The following KCP variants were observed in gnomAD, a reference collection of about 807,000 sequenced individuals.
KCP encodes the protein kielin/chordin-like protein.
KCP carries 194 observed loss-of-function variants against 212.7 expected under a neutral mutation model. The observed-to-expected ratio is 0.91, with a 90% CI of 0.81 to 1.03. KCP has a LOEUF of 1.03. KCP is among the 50% of genes least tolerant of loss of function. KCP has a pLI of 0.00. For missense variants in KCP, 2,080 were observed against 2,162.5 expected (o/e 0.96, Z 0.76); for synonymous variants, 833 against 865.3 (o/e 0.96, Z 0.65).
At chr7:128,908,778 CA>C (rs1216158667) in intron 1 of KCP, among the ~76,000 whole-genome samples, 1 of 152,240 alleles carries the variant, frequency 6.6e-6, no homozygotes. Flanking sequence ...GAGCTGCTTT[CA>C]GGGGTCTGGG....
Position 128,891,041 on chromosome 7 carries a change from C to T in KCP, c.2028G>A (p.Gln676=). 7.3e-7 allele frequency: 1 copy of T among 1,374,900 alleles called. No homozygotes were observed. The highest frequency in any genetic ancestry group is 1.7e-5 in the South Asian group (1 of 58,848). The allele number at this position is 1,374,900 out of a possible 1,614,324, so 85.2% of individuals were successfully genotyped here. The part of the protein sequence containing the change: ...PRPGAAHARH[Q]EYFSPPGDPC... ...GATCGCCGGGCGGGGAGAAGTACTCCTGGTGGCGGGCGTGGGCCGCGCCGG... is the reference window on the plus strand; with the variant it reads ...GATCGCCGGGCGGGGAGAAGTACTCTTGGTGGCGGGCGTGGGCCGCGCCGG... Residue 676 remains glutamine, a synonymous_variant, in exon 20 of 40, where the codon CAG becomes CAA. Coordinates refer to ENST00000610776, the MANE Select transcript of KCP (RefSeq NM_001366122.1).
chr7:128,877,144 G>A lies in KCP; in HGVS notation c.4786C>T (p.His1596Tyr). 1 of 1,504,802 alleles carries A rather than the reference G, an allele frequency of 6.6e-7. No individual in the cohort carries two copies. The highest frequency in any genetic ancestry group is 1.3e-5 in the South Asian group (1 of 77,832). 93.2% of individuals were successfully genotyped at this position (1,504,802 alleles called of 1,614,324 possible). Reference sequence around the variant, plus strand: ...GGGCAGGCCTCGGGTGGGATGCAGTGGGCCTCATGCTCCACCAGGCCTGCA... The same window carrying A: ...GGGCAGGCCTCGGGTGGGATGCAGTAGGCCTCATGCTCCACCAGGCCTGCA... ...CPAGLVEHEA[H>Y]CIPPEACPQV... Residue 1596 changes from histidine to tyrosine, a missense_variant, in exon 40 of 40, where the codon CAC becomes TAC. Transcript: ENST00000610776.
Position 128,876,977 on chromosome 7 carries a change from G to C in KCP, c.*66C>G, listed in dbSNP as rs1338888569. On this transcript the variant is annotated 3_prime_UTR_variant, in exon 40 of 40. Coordinates refer to ENST00000610776, the MANE Select transcript of KCP (RefSeq NM_001366122.1). The stretch of plus-strand genomic sequence containing the variant: ...GGCATTCTCTCCATAGCCCTAACCA[G>C]GGTGGGAACTGCTCGCCAAGGGGAG... The C allele has an allele frequency of 6.6e-7, 1 of 1,510,898 alleles. No individual in the cohort carries two copies. The highest frequency in any genetic ancestry group is 8.8e-7 in the Non-Finnish European group (1 of 1,132,010). The allele number at this position is 1,510,898 out of a possible 1,614,324, so 93.6% of individuals were successfully genotyped here.
At chr7:128,884,934 C>G (rs761897861) in intron 27 of KCP, 71 bp from the exon 28 acceptor site, 12 of 1,495,538 alleles carry the variant, frequency 8.0e-6, no homozygotes, top group Non-Finnish European at 1.1e-5. Context: ...GGGTGGAGTC[C>G]TCTATCTCCA....
At chr7:128,897,254 C>A (rs1794584908) in intron 8 of KCP, among the ~76,000 whole-genome samples, 1 of 152,208 alleles carries the variant, frequency 6.6e-6, no homozygotes, top group South Asian at 2.1e-4. Flanking sequence ...GACAGCCCAG[C>A]AAACTTGTCA....
At position 128,884,139 on chromosome 7, in the gene KCP, G is replaced by A. The variant is rs1793501118; in HGVS notation, c.3124-17C>T. The A allele has an allele frequency of 2.6e-6, 4 of 1,538,900 alleles. No homozygotes were observed. In the Admixed American group the frequency reaches 6.1e-5, roughly 24 times the overall value. Reference sequence around the variant, plus strand: ...AGGCTGTGGCTACAAGAATGAGTGAGCAGCGGTGGGTCCTGGGCCACAAAA... The same window carrying A: ...AGGCTGTGGCTACAAGAATGAGTGAACAGCGGTGGGTCCTGGGCCACAAAA... On this transcript the variant is annotated splice_polypyrimidine_tract_variant and intron_variant, in intron 28 of 39. Coordinates refer to ENST00000610776, the MANE Select transcript of KCP (RefSeq NM_001366122.1).
chr7:128,908,824 C>T (rs1795288351), intron 1 of KCP, among the ~76,000 whole-genome samples: 1 of 152,222 alleles, frequency 6.6e-6, no homozygotes, highest in African/African-American at 2.4e-5. Context: ...AGAACATGAG[C>T]AGCCCCCATC....
At chr7:128,892,087 G>C (rs147649789) in intron 16 of KCP, among the ~76,000 whole-genome samples, 2,244 of 152,268 alleles carry the variant, frequency 0.015, 27 homozygotes, top group Middle Eastern at 0.024. Context: ...ACCTGTGTTT[G>C]ACACACGCCC....
In KCP at chr7:128,880,649, G is replaced by T; in HGVS notation, c.3586C>A (p.Gln1196Lys). ...SCPHGWAKVP[Q>K]ADSCCERCQA... ...CATCGCTCACAGCAGCTGTCAGCCT[G>T]GGGCACCTTCGCCCAGCCATGGGGG... is the stretch of plus-strand genomic sequence containing the variant. The change falls in exon 33 of 40, where the codon CAG becomes AAG. Residue 1196 changes from glutamine (Q) to lysine (K), a missense_variant. By Grantham distance (53) the Gln-to-Lys change is moderately conservative. Transcript: ENST00000610776. The T allele has an allele frequency of 1.1e-6, 1 of 930,354 alleles. No homozygotes were observed. Among genetic ancestry groups the T allele is most frequent in the Non-Finnish European group, 1.5e-6 (1 of 678,656 alleles). The allele number at this position is 930,354 out of a possible 1,614,324, so 57.6% of individuals were successfully genotyped here. A position where few individuals can be genotyped will look rare whatever the true frequency, so the allele number is the denominator to read the frequency against.
At chr7:128,893,580 C>G in intron 11 of KCP, 104 bp from the exon 12 acceptor site, 2 of 1,045,586 alleles carry the variant, frequency 1.9e-6, no homozygotes, top group Admixed American at 4.2e-5. Context: ...GAAGACCCAG[C>G]CGAGTTCTCC....
chr7:128,883,951 G>A (rs913690837), intron 29 of KCP, 51 bp downstream of exon 29: 2 of 1,515,096 alleles, frequency 1.3e-6, no homozygotes, highest in Non-Finnish European at 1.8e-6. Context: ...GGCGGCAGGG[G>A]GTGGCAGCCC....
chr7:128,890,252 A>C lies in KCP; in HGVS notation c.2335+91T>G. 2.6e-6 allele frequency: 4 copies of C among 1,545,832 alleles called. No individual in the cohort carries two copies. The South Asian group carries it at 4.8e-5, about 18-fold the overall frequency. On this transcript the variant is annotated intron_variant, in intron 21 of 39. Coordinates refer to ENST00000610776, the MANE Select transcript of KCP (RefSeq NM_001366122.1). ...TTTTTCTTACTGTAATAAATATTTT[A>C]GATCCACCCTAGGGCAGTAAAGATT...
At chr7:128,908,366 T>C in intron 2 of KCP, 60 bp downstream of exon 2, 1 of 1,488,624 alleles carries the variant, frequency 6.7e-7, no homozygotes, top group South Asian at 1.3e-5. Flanking sequence ...ACTCCTTCTC[T>C]CCCTCCCACT....
chr7:128,902,644 C>G, intron 8 of KCP, 133 bp downstream of exon 8: 1 of 805,992 alleles, frequency 1.2e-6, no homozygotes, highest in Non-Finnish European at 2.0e-6. Flanking sequence ...CAGCCCCCAG[C>G]AGACAGCGCC....
Position 128,907,333 on chromosome 7 carries a change from A to T in KCP, c.340T>A (p.Cys114Ser), listed in dbSNP as rs1328660794. The T allele has an allele frequency of 6.5e-7, 1 of 1,543,076 alleles. No individual in the cohort carries two copies. ...PEGARWEPDACTACVCQDGAA... is the reference protein window; with the variant it reads ...PEGARWEPDASTACVCQDGAA... ...CCATCCTGGCAGACGCAGGCTGTGC[A>T]GGCGTCAGGCTCCCAGCGTGCCCCC... The change falls in exon 3 of 40, where the codon TGC (cysteine) becomes AGC (serine). Residue 114 changes from cysteine (C) to serine (S), a missense_variant. Transcript: ENST00000610776.
intron 5 of KCP, chr7:128,904,435 T>C: frequency 1.5e-6 from 2 of 1,297,718 alleles, no homozygotes; most frequent in Non-Finnish European, 1.1e-6. Context: ...TCCCTCTTTC[T>C]CTCTCTCCTG....
chr7:128,892,994 G>A lies in KCP; in HGVS notation c.1295C>T (p.Ala432Val). The A allele has an allele frequency of 9.8e-7, 1 of 1,022,090 alleles. No individual in the cohort carries two copies. Among genetic ancestry groups the A allele is most frequent in the Admixed American group, 2.0e-5 (1 of 50,354 alleles). The allele number at this position is 1,022,090 out of a possible 1,614,324, so 63.3% of individuals were successfully genotyped here. ...PACELDGEEF[A>V]EGVQWEPDGR... ...ATCAGGCTCCCACTGGACTCCCTCA[G>A]CAAACTCCTCTCCATCCAGCTCACA... The change falls in exon 14 of 40, where the codon GCT becomes GTT. Residue 432 changes from alanine to valine, a missense_variant. Physicochemically the swap from Ala to Val is moderately conservative, Grantham distance 64. Coordinates refer to ENST00000610776, the MANE Select transcript of KCP (RefSeq NM_001366122.1).
chr7:128,879,013 C>A (rs952349774), intron 37 of KCP: 1 of 450,674 alleles, frequency 2.2e-6, no homozygotes, highest in African/African-American at 2.0e-5. Flanking sequence ...GAAATGCAAC[C>A]CCCTTCCGGG....
At chr7:128,893,343 C>T in intron 12 of KCP, 24 bp from the exon 13 acceptor site, 3 of 1,551,588 alleles carry the variant, frequency 1.9e-6, no homozygotes, top group Non-Finnish European at 2.6e-6. Flanking sequence ...AGGTGAGACA[C>T]CCTGAAGGAA....
Sources: gnomAD v4.1 joint callset for allele counts (sites outside exome capture counted in the v4.1 genomes callset) on GRCh38, gnomAD v4.1.1 for gene constraint, MANE v1.5 for transcripts, NCBI Gene and HGNC (gene_info 2026-07-23, HGNC 2026-07-21) for gene names.